Variants in EBPL observed in about 807,000 individuals in gnomAD.
The protein encoded by EBPL is EBP like, also known as emopamil-binding protein-like.
Under a neutral mutation model 19.0 loss-of-function variants are expected in EBPL, and 20 were observed. The ratio of observed to expected loss-of-function variants is 1.05; its 90% CI spans 0.74 to 1.53. The LOEUF is 1.53. EBPL is among the 40% of genes most tolerant of loss of function. The pLI is 0.00. For synonymous variants in EBPL, 107 were observed against 117.0 expected (o/e 0.91, Z 0.55); for missense variants, 219 against 261.1 (o/e 0.84, Z 1.11).
chr13:49,676,808 G>GT (rs1291950741), intron 1 of EBPL, among the ~76,000 whole-genome samples: 2 of 152,122 alleles, frequency 1.3e-5, no homozygotes, highest in African/African-American at 2.4e-5. Flanking sequence ...TACACATACA[G>GT]TGAGATTTTA....
intron 1 of EBPL, among the ~76,000 whole-genome samples, chr13:49,672,842 G>A (rs1381008738): frequency 6.6e-6 from 1 of 152,130 alleles, no homozygotes; most frequent in Non-Finnish European, 1.5e-5. Flanking sequence ...GGCGAATCAC[G>A]AGGTCAGGAG....
chr13:49,661,901 A>T, intron 3 of EBPL: 1 of 1,550,676 alleles, frequency 6.4e-7, no homozygotes, highest in Non-Finnish European at 8.7e-7. Flanking sequence ...CAGGATAGCA[A>T]TCTATTCACC....
chr13:49,679,107 C>A (rs1566319569), intron 1 of EBPL, among the ~76,000 whole-genome samples: 1 of 152,144 alleles, frequency 6.6e-6, no homozygotes, highest in Non-Finnish European at 1.5e-5. Flanking sequence ...TACTATTTGC[C>A]AGGCACCAAA....
chr13:49,672,098 C>A (rs1426038602), intron 1 of EBPL, among the ~76,000 whole-genome samples: 1 of 152,158 alleles, frequency 6.6e-6, no homozygotes, highest in Non-Finnish European at 1.5e-5. Context: ...TCGCTATGGA[C>A]CCCCAGCTCC....
At chr13:49,674,976 T>C (rs1953860758) in intron 1 of EBPL, among the ~76,000 whole-genome samples, 1 of 152,222 alleles carries the variant, frequency 6.6e-6, no homozygotes. Context: ...GATTCTCCAT[T>C]TCTTCCCTCT....
chr13:49,672,346 A>G (rs1055852016), intron 1 of EBPL, among the ~76,000 whole-genome samples: 5 of 152,224 alleles, frequency 3.3e-5, no homozygotes, highest in Admixed American at 2.0e-4. Context: ...CATGCCTTCA[A>G]ATGCTGATCA....
At chr13:49,677,829 G>C (rs756276579) in intron 1 of EBPL, among the ~76,000 whole-genome samples, 1 of 152,246 alleles carries the variant, frequency 6.6e-6, no homozygotes, top group African/African-American at 2.4e-5. Flanking sequence ...GGACCCTCGC[G>C]GTGAGTGTTA....
chr13:49,662,042 G>A (rs1965158172), intron 3 of EBPL: 4 of 953,966 alleles, frequency 4.2e-6, no homozygotes, highest in Non-Finnish European at 6.5e-6. Context: ...CACCTAGGCT[G>A]GAGTGCAGTG....
intron 1 of EBPL, among the ~76,000 whole-genome samples, chr13:49,686,801 C>T (rs538488793): frequency 6.6e-6 from 1 of 152,248 alleles, no homozygotes; most frequent in Admixed American, 6.5e-5. Context: ...GCCATTCTCT[C>T]TCTCTTCTTT....
At chr13:49,687,431 G>T (rs1485388457) in intron 1 of EBPL, among the ~76,000 whole-genome samples, 1 of 152,012 alleles carries the variant, frequency 6.6e-6, no homozygotes, top group Admixed American at 6.6e-5. Context: ...CCTGCACCAT[G>T]TTGAGAGACA....
At chr13:49,676,570 C>T (rs1038259279) in intron 1 of EBPL, among the ~76,000 whole-genome samples, 3 of 151,378 alleles carry the variant, frequency 2.0e-5, no homozygotes, top group South Asian at 2.1e-4. Flanking sequence ...CCAGCCTGGG[C>T]GACAGAGCAA....
At chr13:49,682,769 T>C (rs1352783978) in intron 1 of EBPL, among the ~76,000 whole-genome samples, 1 of 152,132 alleles carries the variant, frequency 6.6e-6, no homozygotes, top group African/African-American at 2.4e-5. Context: ...TCCTCCTCAT[T>C]ACAGAAAGGA....
intron 2 of EBPL, among the ~76,000 whole-genome samples, chr13:49,669,047 T>A (rs1410720214): frequency 1.3e-5 from 2 of 151,898 alleles, no homozygotes; most frequent in South Asian, 2.1e-4. Flanking sequence ...GCCCAGCCAA[T>A]TTTTTATATT....
At chr13:49,669,880 CAGCATCACAA>C (rs764473001) in intron 1 of EBPL, 34 bp from the exon 2 acceptor site, 2 of 1,545,032 alleles carry the variant, frequency 1.3e-6, no homozygotes, top group Non-Finnish European at 1.8e-6. Flanking sequence ...TGCTCTAATA[CAGCATCACAA>C]CCACAGGATG....
At chr13:49,676,377 G>A (rs1403282406) in intron 1 of EBPL, among the ~76,000 whole-genome samples, 2 of 152,068 alleles carry the variant, frequency 1.3e-5, no homozygotes, top group Non-Finnish European at 2.9e-5. Context: ...GGACCACAAG[G>A]TCAGGAGATC....
intron 1 of EBPL, among the ~76,000 whole-genome samples, chr13:49,671,956 C>T (rs936312681): frequency 6.6e-6 from 1 of 152,224 alleles, no homozygotes; most frequent in Admixed American, 6.5e-5. Context: ...TGAAGCTCTA[C>T]TCATTTTTCA....
chr13:49,680,692 C>T (rs576579716), intron 1 of EBPL, among the ~76,000 whole-genome samples: 1 of 152,158 alleles, frequency 6.6e-6, no homozygotes, highest in Admixed American at 6.5e-5. Flanking sequence ...CGTGGTGGCA[C>T]GCGACTGTAG....
At chr13:49,682,225 C>G (rs1444984630) in intron 1 of EBPL, among the ~76,000 whole-genome samples, 1 of 102,498 alleles carries the variant, frequency 9.8e-6, no homozygotes, top group African/African-American at 2.8e-5. Flanking sequence ...CAGGATCAAA[C>G]AGTCACACGA....
Position 49,660,928 on chromosome 13 carries a change from G to A in EBPL, c.*40C>T, listed in dbSNP as rs757770579. On this transcript the variant is annotated 3_prime_UTR_variant, in exon 4 of 4. Coordinates refer to ENST00000242827, the MANE Select transcript of EBPL (RefSeq NM_032565.5). The stretch of plus-strand genomic sequence containing the variant: ...AAACAAAAAGATTTGATTCATTCTG[G>A]TTCATGAAGTTAGATAATGGTGTTT... The A allele has an allele frequency of 6.6e-7, 1 of 1,523,388 alleles. No individual in the cohort carries two copies. The highest frequency in any genetic ancestry group is 1.2e-5 in the South Asian group (1 of 84,936). 94.4% of individuals were successfully genotyped at this position (1,523,388 alleles called of 1,614,324 possible).
Sources: gnomAD v4.1 joint callset for allele counts (sites outside exome capture counted in the v4.1 genomes callset) on GRCh38, gnomAD v4.1.1 for gene constraint, MANE v1.5 for transcripts, NCBI Gene and HGNC (gene_info 2026-07-23, HGNC 2026-07-21) for gene names.